The following UBE2J2 variants were observed in gnomAD, a reference collection of about 807,000 sequenced individuals.
The protein encoded by UBE2J2 is ubiquitin-conjugating enzyme E2 J2.
Under a neutral mutation model 28.6 loss-of-function variants are expected in UBE2J2, and 5 were observed. That is an observed-to-expected ratio of 0.17 (90% CI 0.09 to 0.37). UBE2J2 has a LOEUF of 0.37. Ranked by LOEUF, UBE2J2 falls within the 10% of genes least tolerant of loss-of-function variation. The pLI, the probability that UBE2J2 is intolerant of heterozygous loss-of-function variation, is 1.00. For synonymous variants in UBE2J2, 138 were observed against 139.7 expected (o/e 0.99, Z 0.09); for missense variants, 226 against 338.9 (o/e 0.67, Z 2.62).
rs1287273583 is a variant in UBE2J2 at position 1,255,273 on chromosome 1, A to AAC, written c.708_709dup (p.Phe237CysfsTer3). On this transcript the variant is annotated frameshift_variant, in exon 7 of 7. Transcript: ENST00000349431. LOFTEE classifies it high-confidence loss of function. ...AAAGGCTGCAAACCCAACTATCACA[A>AAC]ACAAGTTCGCCAGGGCGCCACCCAG... 1 of 1,613,258 alleles carries AAC rather than the reference A, an allele frequency of 6.2e-7. No homozygotes were observed. Among genetic ancestry groups the AAC allele is most frequent in the African/African-American group, 1.3e-5 (1 of 74,926 alleles).
In UBE2J2 at chr1:1,257,103, G is replaced by A. The variant is rs1367277957; in HGVS notation, c.303C>T (p.His101=). The change falls in exon 5 of 7, where the codon CAC becomes CAT. Residue 101 remains histidine, a synonymous_variant. Transcript: ENST00000349431. The stretch of plus-strand genomic sequence containing the variant: ...ACCAGGCCGGGTTCCACGTGTCCGG[G>A]TGGAAATCCGTGATAGAAAGACACA... The part of the protein sequence containing the change: ...TRLCLSITDF[H]PDTWNPAWSV... 1 of 1,612,656 alleles carries A rather than the reference G, an allele frequency of 6.2e-7. No homozygotes were observed.
chr1:1,257,570 C>A (rs567900285), intron 3 of UBE2J2, among the ~76,000 whole-genome samples: 2 of 150,404 alleles, frequency 1.3e-5, no homozygotes, highest in Admixed American at 6.6e-5. Flanking sequence ...TGGACCCAGA[C>A]CCCCACTGCC....
intron 3 of UBE2J2, among the ~76,000 whole-genome samples, chr1:1,260,877 G>A (rs1322749155): frequency 6.6e-6 from 1 of 152,214 alleles, no homozygotes; most frequent in Non-Finnish European, 1.5e-5. Context: ...GATTTTGTTA[G>A]GACTGTGTGA....
In UBE2J2 at chr1:1,261,096, C is replaced by T. The variant is rs528691209; in HGVS notation, c.172+2250G>A. 5.9e-5 allele frequency among the ~76,000 whole-genome samples: 9 copies of T among 152,328 alleles called. No homozygotes were observed. The South Asian group carries it at 1.9e-3, about 32-fold the overall frequency. On this transcript the variant is annotated intron_variant, in intron 3 of 6. Coordinates refer to ENST00000349431, the MANE Select transcript of UBE2J2 (RefSeq NM_058167.3). ...AGCTGTCGTCAGCAGCATCAGATAC[C>T]AGAGGCTAAGAAACTGAGGACTGAG...
rs576901285 is a variant in UBE2J2, at chr1:1,266,880, CATTTTATTTT to C, written c.131+972_131+981del. On this transcript the variant is annotated intron_variant, in intron 2 of 6. Coordinates refer to ENST00000349431, the MANE Select transcript of UBE2J2 (RefSeq NM_058167.3). ...AAGATCAAAATATAAAACATCCTTA[CATTTTATTTT>C]ATTTTATTTTATTTTGAGACAGAGT... 1.1e-3 allele frequency among the ~76,000 whole-genome samples: 171 copies of C among 152,012 alleles called. 1 individual carries two copies. Among genetic ancestry groups the C allele is most frequent in the African/African-American group, 3.7e-3 (154 of 41,474 alleles).
rs1406629351 is a variant in UBE2J2 at position 1,257,216 on chromosome 1, G to A, written c.267C>T (p.Cys89=). Reference sequence around the variant, plus strand: ...CCCTCCAGGCACCTTACCTGGTGTTGCACTTAAACCTCCCGTTGGGAGTGA... The same window carrying A: ...CCCTCCAGGCACCTTACCTGGTGTTACACTTAAACCTCCCGTTGGGAGTGA... ...YMITPNGRFK[C]NTRLCLSITD... Residue 89 remains cysteine, a synonymous_variant, in exon 4 of 7, where the codon TGC becomes TGT. Coordinates refer to ENST00000349431, the MANE Select transcript of UBE2J2 (RefSeq NM_058167.3). The A allele has an allele frequency of 6.2e-7, 1 of 1,609,032 alleles. No homozygotes were observed. Among genetic ancestry groups the A allele is most frequent in the East Asian group, 2.2e-5 (1 of 44,638 alleles).
At chr1:1,263,245 T>C (rs1639665422) in intron 3 of UBE2J2, 101 bp downstream of exon 3, 1 of 1,120,974 alleles carries the variant, frequency 8.9e-7, no homozygotes, top group South Asian at 1.3e-5. Context: ...ACATCCAAAG[T>C]AGAAAGGCTG....
At chr1:1,266,935 T>G (rs1008288897) in intron 2 of UBE2J2, among the ~76,000 whole-genome samples, 2 of 151,990 alleles carry the variant, frequency 1.3e-5, no homozygotes, top group Non-Finnish European at 2.9e-5. Flanking sequence ...GTTGCCCAGG[T>G]TGGAGTGCAG....
intron 1 of UBE2J2, among the ~76,000 whole-genome samples, chr1:1,272,001 A>T (rs1184638983): frequency 6.8e-6 from 1 of 147,270 alleles, no homozygotes. Context: ...AAAAAAAAAA[A>T]AAATTAGCCG....
At chr1:1,263,320 T>C in intron 3 of UBE2J2, 26 bp downstream of exon 3, 1 of 1,608,584 alleles carries the variant, frequency 6.2e-7, no homozygotes, top group South Asian at 1.1e-5. Flanking sequence ...CGCCTGGTGT[T>C]CTTCTCCTAA....
chr1:1,267,068 T>C (rs1639910901), intron 2 of UBE2J2, among the ~76,000 whole-genome samples: 1 of 151,896 alleles, frequency 6.6e-6, no homozygotes, highest in Non-Finnish European at 1.5e-5. Flanking sequence ...TTTGTATTTT[T>C]AGTAGAGACA....
chr1:1,257,387 C>CA, intron 3 of UBE2J2, 77 bp from the exon 4 acceptor site: 1 of 614,922 alleles, frequency 1.6e-6, no homozygotes, highest in Non-Finnish European at 2.4e-6. Context: ...CCCATCCCCC[C>CA]ACGCCACCCC....
chr1:1,264,347 A>G (rs554393240), intron 2 of UBE2J2, among the ~76,000 whole-genome samples: 2 of 152,384 alleles, frequency 1.3e-5, no homozygotes, highest in Admixed American at 1.3e-4. Context: ...ACGAAACAGA[A>G]GAGCACAGAG....
Position 1,254,399 on chromosome 1 carries a change from G to A in UBE2J2, c.*804C>T, listed in dbSNP as rs958872842. On this transcript the variant is annotated 3_prime_UTR_variant, in exon 7 of 7. Transcript: ENST00000349431. ...CCTCCGCCTTCCACCAGCATAGGAG[G>A]ACGGGCTTCTGGCCCACCGGACATA... The A allele has an allele frequency of 1.3e-5, 2 of 152,264 alleles. No individual in the cohort carries two copies. Among genetic ancestry groups the A allele is most frequent in the Non-Finnish European group, 2.9e-5 (2 of 68,058 alleles). 9.4% of individuals were successfully genotyped at this position (152,264 alleles called of 1,614,324 possible).
At chr1:1,257,713 TC>T (rs1249418227) in intron 3 of UBE2J2, among the ~76,000 whole-genome samples, 4 of 151,628 alleles carry the variant, frequency 2.6e-5, no homozygotes, top group Non-Finnish European at 5.9e-5. Context: ...CAGCAGGAGC[TC>T]CAGGCCCAGC....
intron 1 of UBE2J2, chr1:1,271,535 T>A (rs535898446): frequency 6.6e-6 from 1 of 152,142 alleles, no homozygotes; most frequent in African/African-American, 2.4e-5. Context: ...TTTAAAATCA[T>A]GTTCACGATT....
intron 1 of UBE2J2, among the ~76,000 whole-genome samples, chr1:1,270,276 TC>T (rs1640081960): frequency 6.6e-6 from 1 of 152,100 alleles, no homozygotes; most frequent in African/African-American, 2.4e-5. Flanking sequence ...ACATTCCACC[TC>T]CTTTCAGTCT....
At chr1:1,263,223 T>C (rs1344161393) in intron 3 of UBE2J2, 123 bp downstream of exon 3, 11 of 920,042 alleles carry the variant, frequency 1.2e-5, no homozygotes, top group Non-Finnish European at 1.9e-5. Flanking sequence ...ACTAAGCCAA[T>C]TTAACTAGCA....
At chr1:1,271,976 A>AG in intron 1 of UBE2J2, among the ~76,000 whole-genome samples, 1 of 113,384 alleles carries the variant, frequency 8.8e-6, no homozygotes, top group Admixed American at 8.4e-5. Flanking sequence ...CTCCGTCTCA[A>AG]AAAAAAAAAA....
Sources: allele counts gnomAD v4.1 joint callset (sites outside exome capture counted in the v4.1 genomes callset), GRCh38; gene constraint gnomAD v4.1.1; transcripts MANE v1.5; gene names NCBI Gene and HGNC (gene_info 2026-07-23, HGNC 2026-07-21).